The following MEI4 variants were observed in gnomAD, a reference collection of about 807,000 sequenced individuals.
MEI4 encodes meiosis-specific protein MEI4.
Under a neutral mutation model 31.4 loss-of-function variants are expected in MEI4, and 27 were observed. The observed-to-expected ratio is 0.86, with a 90% CI of 0.63 to 1.19. The LOEUF is 1.19. Ranked by LOEUF, MEI4 falls within the 50% of genes most tolerant of loss-of-function variation. The pLI is 0.00. For missense variants in MEI4, 329 were observed against 398.9 expected (o/e 0.82, Z 1.49); for synonymous variants, 122 against 145.4 (o/e 0.84, Z 1.16).
At chr6:77,888,370 G>T (rs1771676813) in intron 4 of MEI4, among the ~76,000 whole-genome samples, 2 of 146,322 alleles carry the variant, frequency 1.4e-5, no homozygotes, top group African/African-American at 2.5e-5. Context: ...TGTCATTATG[G>T]TTTCCTGACT....
intron 2 of MEI4, among the ~76,000 whole-genome samples, chr6:77,713,555 G>C (rs543012236): frequency 1.9e-4 from 29 of 152,276 alleles, no homozygotes; most frequent in African/African-American, 5.8e-4. Context: ...ACATTCTCCA[G>C]TTTCAGTCCA....
intron 2 of MEI4, among the ~76,000 whole-genome samples, chr6:77,694,863 G>C (rs1490063390): frequency 2.6e-5 from 4 of 151,230 alleles, no homozygotes; most frequent in Admixed American, 1.3e-4. Context: ...GGTTGAACTA[G>C]TTTACAGTCC....
At chr6:77,753,081 C>A (rs1453063176) in intron 2 of MEI4, among the ~76,000 whole-genome samples, 1 of 152,158 alleles carries the variant, frequency 6.6e-6, no homozygotes, top group East Asian at 1.9e-4. Flanking sequence ...CTCTTCCTTA[C>A]AACTTACACA....
intron 4 of MEI4, among the ~76,000 whole-genome samples, chr6:77,860,123 A>G (rs1423468416): frequency 6.6e-6 from 1 of 152,192 alleles, no homozygotes; most frequent in Non-Finnish European, 1.5e-5. Context: ...GGCATTGAGC[A>G]TTCTCATTTT....
At chr6:77,650,824 T>C (rs138980099), upstream of MEI4, among the ~76,000 whole-genome samples, 144 of 152,288 alleles carry the variant, frequency 9.5e-4, 1 homozygote, top group East Asian at 8.1e-3. Flanking sequence ...TTCTGTGGTA[T>C]ATGCCAGAGT....
chr6:77,712,679 C>T (rs1483556207), intron 2 of MEI4, among the ~76,000 whole-genome samples: 1 of 152,042 alleles, frequency 6.6e-6, no homozygotes, highest in Non-Finnish European at 1.5e-5. Context: ...AAGAAAGGAA[C>T]AACAAAAGGA....
chr6:77,701,619 A>G (rs987941658), intron 2 of MEI4, among the ~76,000 whole-genome samples: 3 of 151,852 alleles, frequency 2.0e-5, no homozygotes, highest in African/African-American at 7.3e-5. Context: ...ATATATAAAT[A>G]TAACAATATA....
At chr6:77,874,513 A>T (rs9766712) in intron 4 of MEI4, among the ~76,000 whole-genome samples, 1 of 152,082 alleles carries the variant, frequency 6.6e-6, no homozygotes, top group African/African-American at 2.4e-5. Context: ...GGGCTGAGAC[A>T]ATGGGGTTTT....
At chr6:77,908,251 A>G (rs1398603499) in intron 4 of MEI4, among the ~76,000 whole-genome samples, 1 of 152,100 alleles carries the variant, frequency 6.6e-6, no homozygotes, top group Middle Eastern at 3.2e-3. Context: ...GGTATTGCCT[A>G]GGTTTTCTTC....
chr6:77,746,636 GGCGTGTGTGTGT>G (rs1215046832), intron 2 of MEI4, among the ~76,000 whole-genome samples: 30 of 115,088 alleles, frequency 2.6e-4, no homozygotes, highest in African/African-American at 8.2e-4. Context: ...TAAAATATAT[GGCGTGTGTGTGT>G]GTGTGTGTGT....
intron 3 of MEI4, among the ~76,000 whole-genome samples, chr6:77,799,901 T>C (rs984165494): frequency 1.5e-4 from 23 of 152,194 alleles, no homozygotes; most frequent in Admixed American, 6.5e-5. Flanking sequence ...ACTGTAGCCT[T>C]GTAGTATGAT....
intron 4 of MEI4, among the ~76,000 whole-genome samples, chr6:77,831,109 C>T (rs1228146): frequency 6.7e-6 from 1 of 148,878 alleles, no homozygotes; most frequent in Non-Finnish European, 1.5e-5. Flanking sequence ...ATAGACATTT[C>T]TCAAAAAAAG....
intron 2 of MEI4, among the ~76,000 whole-genome samples, chr6:77,691,528 T>C (rs544296834): frequency 1.3e-5 from 2 of 151,822 alleles, no homozygotes; most frequent in East Asian, 3.9e-4. Context: ...GGCACTGGAG[T>C]GGAGAATACA....
chr6:77,923,323 C>CAGATAGAAACTCTTAGAA lies in MEI4; in HGVS notation c.1137_1154dup (p.Ile380_Lys385dup). ...AGTGGGCATTCTTTTGAGCTCAGCACAGATAGAAACTCTTAGAAAATAACT... is the reference window on the plus strand; with the variant it reads ...AGTGGGCATTCTTTTGAGCTCAGCACAGATAGAAACTCTTAGAAAGATAGAAACTCTTAGAAAATAACT... On this transcript the variant is annotated inframe_insertion, in exon 5 of 5. Transcript: ENST00000684080. 1 of 1,229,880 alleles carries CAGATAGAAACTCTTAGAA rather than the reference C, an allele frequency of 8.1e-7. No homozygotes were observed. The highest frequency in any genetic ancestry group is 1.0e-6 in the Non-Finnish European group (1 of 986,432). The allele number at this position is 1,229,880 out of a possible 1,614,324, so 76.2% of individuals were successfully genotyped here.
At chr6:77,792,642 T>A (rs1768967926) in intron 3 of MEI4, among the ~76,000 whole-genome samples, 1 of 152,178 alleles carries the variant, frequency 6.6e-6, no homozygotes, top group Non-Finnish European at 1.5e-5. Context: ...AATTTTGAGT[T>A]GATTTTTGTA....
intron 4 of MEI4, among the ~76,000 whole-genome samples, chr6:77,873,289 G>A (rs943580811): frequency 1.3e-5 from 2 of 152,066 alleles, no homozygotes; most frequent in African/African-American, 4.8e-5. Context: ...TTTAATGATC[G>A]CCATTCTAAC....
intron 3 of MEI4, among the ~76,000 whole-genome samples, chr6:77,802,505 C>G (rs917561257): frequency 1.3e-4 from 20 of 152,136 alleles, no homozygotes; most frequent in Non-Finnish European, 7.3e-5. Flanking sequence ...GAATTTGATC[C>G]TATCATTATG....
At chr6:77,668,211 A>G (rs989074803) in intron 1 of MEI4, among the ~76,000 whole-genome samples, 7 of 152,184 alleles carry the variant, frequency 4.6e-5, no homozygotes, top group African/African-American at 1.4e-4. Flanking sequence ...GTTATGAGAA[A>G]TGAGGAATTT....
At chr6:77,838,246 T>A (rs77699093) in intron 4 of MEI4, among the ~76,000 whole-genome samples, 1 of 119,854 alleles carries the variant, frequency 8.3e-6, no homozygotes, top group South Asian at 2.4e-4. Flanking sequence ...TAACCAGAAA[T>A]TTTTTTTTTT....
Sources: allele counts gnomAD v4.1 joint callset (sites outside exome capture counted in the v4.1 genomes callset), GRCh38; gene constraint gnomAD v4.1.1; transcripts MANE v1.5; gene names NCBI Gene and HGNC (gene_info 2026-07-23, HGNC 2026-07-21).